Variants in KNOP1 observed in about 807,000 individuals in gnomAD.
KNOP1 encodes the protein lysine-rich nucleolar protein 1.
Under a neutral mutation model 30.6 loss-of-function variants are expected in KNOP1, and 20 were observed. The observed-to-expected ratio is 0.65, with a 90% CI of 0.46 to 0.95. The LOEUF is 0.95. KNOP1 is among the 40% of genes least tolerant of loss of function. The probability of loss-of-function intolerance (pLI) is 0.00; values close to 1 mark genes in which losing one functional copy is unlikely to be tolerated. For missense variants in KNOP1, 540 were observed against 562.0 expected (o/e 0.96, Z 0.40); for synonymous variants, 204 against 210.0 (o/e 0.97, Z 0.25).
chr16:19,718,200 G>A lies in KNOP1; in HGVS notation c.-45C>T. ...CCGCCTCCACGTGAGAGCCAGCTCC[G>A]CCGTGACCCGGAAGTCCACTTCGAG... On this transcript the variant is annotated 5_prime_UTR_variant, in exon 1 of 5. Transcript: ENST00000219837. The A allele has an allele frequency of 1.3e-6, 2 of 1,514,582 alleles. No homozygotes were observed. The highest frequency in any genetic ancestry group is 2.5e-5 in the East Asian group (1 of 40,652). 93.8% of individuals were successfully genotyped at this position (1,514,582 alleles called of 1,614,324 possible).
At position 19,703,460 on chromosome 16, in the gene KNOP1, C is replaced by T. The variant is rs902610888; in HGVS notation, c.*3450G>A. The T allele has an allele frequency of 6.6e-6, 1 of 152,274 alleles. No homozygotes were observed. Among genetic ancestry groups the T allele is most frequent in the South Asian group, 2.1e-4 (1 of 4,830 alleles). 9.4% of individuals were successfully genotyped at this position (152,274 alleles called of 1,614,324 possible). ...TCAGCTGATTAGCAAACTTAATTCC[C>T]TTTTGTTTCGTAACCTAACAAATAC... is the stretch of plus-strand genomic sequence containing the variant. On this transcript the variant is annotated 3_prime_UTR_variant, in exon 5 of 5. Transcript: ENST00000219837.
intron 2 of KNOP1, chr16:19,711,777 C>A (rs529308412): frequency 2.3e-4 from 80 of 354,326 alleles, no homozygotes; most frequent in Non-Finnish European, 3.9e-4. Flanking sequence ...ACCTTTCCCA[C>A]TACACACGTC....
Position 19,706,898 on chromosome 16 carries a change from A to G in KNOP1, c.*12T>C, listed in dbSNP as rs1267635745. On this transcript the variant is annotated 3_prime_UTR_variant, in exon 5 of 5. Coordinates refer to ENST00000219837, the MANE Select transcript of KNOP1 (RefSeq NM_001012991.3). Reference sequence around the variant, plus strand: ...CAATTGTGGCAGTTTTGGGGGGACAAAACTCTAGAGTTTAATCTTCCAGCT... The same window carrying G: ...CAATTGTGGCAGTTTTGGGGGGACAGAACTCTAGAGTTTAATCTTCCAGCT... 3 of 1,610,116 alleles carry G rather than the reference A, an allele frequency of 1.9e-6. No individual in the cohort carries two copies. The highest frequency in any genetic ancestry group is 2.5e-6 in the Non-Finnish European group (3 of 1,179,322).
At position 19,714,599 on chromosome 16, in the gene KNOP1, T is replaced by C; in HGVS notation, c.437A>G (p.Lys146Arg). 6.2e-7 allele frequency: 1 copy of C among 1,614,174 alleles called. No individual in the cohort carries two copies. Among genetic ancestry groups the C allele is most frequent in the Non-Finnish European group, 8.5e-7 (1 of 1,180,040 alleles). ...RQGEEETRVG[K>R]KLKKHKKEKK... ...TTCCTTCTTGTGTTTTTTGAGCTTCTTGCCAACTCTGGTTTCCTCCTCACC... is the reference window on the plus strand; with the variant it reads ...TTCCTTCTTGTGTTTTTTGAGCTTCCTGCCAACTCTGGTTTCCTCCTCACC... The change falls in exon 2 of 5, where the codon AAG becomes AGG. Residue 146 changes from lysine (K) to arginine (R), a missense_variant. Transcript: ENST00000219837.
At position 19,718,090 on chromosome 16, in the gene KNOP1, C is replaced by G. The variant is rs888185635; in HGVS notation, c.-3+68G>C. 3.2e-5 allele frequency: 46 copies of G among 1,427,030 alleles called. 1 individual carries two copies. In the African/African-American group the frequency reaches 6.2e-4, roughly 19 times the overall value. 88.4% of individuals were successfully genotyped at this position (1,427,030 alleles called of 1,614,324 possible). On this transcript the variant is annotated intron_variant, in intron 1 of 4. Transcript: ENST00000219837. ...GACCGCATTTCCCCATCTTCCCCGC[C>G]GCGCACTTCCTCTGGTGCAATCTCC... is the stretch of plus-strand genomic sequence containing the variant.
chr16:19,710,300 C>A, intron 4 of KNOP1: 1 of 626,970 alleles, frequency 1.6e-6, no homozygotes, highest in Non-Finnish European at 2.9e-6. Flanking sequence ...CGGGCCAGCT[C>A]TCTAGGAGGG....
At position 19,705,290 on chromosome 16, in the gene KNOP1, G is replaced by A. The variant is rs995653405; in HGVS notation, c.*1620C>T. On this transcript the variant is annotated 3_prime_UTR_variant, in exon 5 of 5. Coordinates refer to ENST00000219837, the MANE Select transcript of KNOP1 (RefSeq NM_001012991.3). ...TGGCCATCGAGGCCTGCCTGGGCTG[G>A]GATGTCTGTAGGAGGCATGTTCAGG... 1 of 455,780 alleles carries A rather than the reference G, an allele frequency of 2.2e-6. No individual in the cohort carries two copies. Among genetic ancestry groups the A allele is most frequent in the Admixed American group, 2.4e-5 (1 of 42,538 alleles). The allele number at this position is 455,780 out of a possible 1,614,324, so 28.2% of individuals were successfully genotyped here.
intron 4 of KNOP1, among the ~76,000 whole-genome samples, chr16:19,707,885 TC>T (rs201524066): frequency 2.4e-4 from 1 of 4,186 alleles, no homozygotes; most frequent in Non-Finnish European, 4.5e-4. Flanking sequence ...CACATCGCAC[TC>T]CCCCCACCTC....
Position 19,707,331 on chromosome 16 carries a change from A to G in KNOP1, c.1066-110T>C, listed in dbSNP as rs915896137. The G allele has an allele frequency of 9.4e-5, 76 of 812,512 alleles. No individual in the cohort carries two copies. In the Middle Eastern group the frequency reaches 1.4e-3, roughly 15 times the overall value. The allele number at this position is 812,512 out of a possible 1,614,324, so 50.3% of individuals were successfully genotyped here. A position where few individuals can be genotyped will look rare whatever the true frequency, so the allele number is the denominator to read the frequency against. ...CCAGCAGATTAGATGGCTGCTGTGT[A>G]CCAGGCACAGTGCTAATAAGCTCAA... On this transcript the variant is annotated intron_variant, in intron 4 of 4. Transcript: ENST00000219837.
chr16:19,708,976 T>C (rs1449336002), intron 4 of KNOP1, among the ~76,000 whole-genome samples: 1 of 151,914 alleles, frequency 6.6e-6, no homozygotes, highest in Non-Finnish European at 1.5e-5. Flanking sequence ...CCAGGATCAC[T>C]CTCCTGCCGT....
chr16:19,714,498 C>T lies in KNOP1; in HGVS notation c.538G>A (p.Val180Ile), dbSNP rs1976894155. 3.1e-6 allele frequency: 5 copies of T among 1,614,030 alleles called. No homozygotes were observed. The highest frequency in any genetic ancestry group is 4.2e-6 in the Non-Finnish European group (5 of 1,180,030). ...WFCEAREARD[V>I]GDTCSVGKKD... is the part of the protein sequence containing the mutation. ...TTCCCCACTGAGCAAGTGTCCCCAA[C>T]ATCCCTGGCCTCCCTGGCCTCACAG... The change falls in exon 2 of 5, where the codon GTT becomes ATT. Residue 180 changes from valine to isoleucine, a missense_variant. Physicochemically the swap from Val to Ile is conservative, Grantham distance 29. Transcript: ENST00000219837.
In KNOP1 at chr16:19,715,001, AG is replaced by A; in HGVS notation, c.34del (p.Leu12SerfsTer21). 1.9e-6 allele frequency: 3 copies of A among 1,584,908 alleles called. No individual in the cohort carries two copies. The highest frequency in any genetic ancestry group is 2.6e-6 in the Non-Finnish European group (3 of 1,170,158). On this transcript the variant is annotated frameshift_variant, in exon 2 of 5. Transcript: ENST00000219837. LOFTEE classifies it high-confidence loss of function. ...ITKTHKVDLGLPEKKKKKKVV... is the reference protein window; with the variant it reads ...ITKTHKVDLGXPEKKKKKKVV... ...TTTCTTCTTCTTTTTCTTCTCTGGGAGCCCAAGGTCTACTTTGTGTGTCTTG... is the reference window on the plus strand; with the variant it reads ...TTTCTTCTTCTTTTTCTTCTCTGGGACCCAAGGTCTACTTTGTGTGTCTTG...
At chr16:19,717,219 G>T in intron 1 of KNOP1, 1 of 672,436 alleles carries the variant, frequency 1.5e-6, no homozygotes, top group Non-Finnish European at 1.8e-6. Context: ...GTTCGGTACT[G>T]TCTGTGGTTT....
In KNOP1 at chr16:19,714,976, T is replaced by C. The variant is rs1351773333; in HGVS notation, c.60A>G (p.Lys20=). ...LGLPEKKKKK[K]VVKEPETRYS... ...ATCGAGTCTCTGGTTCTTTGACCAC[T>C]TTCTTCTTCTTTTTCTTCTCTGGGA... Residue 20 remains lysine (K), a synonymous_variant, in exon 2 of 5, where the codon AAA becomes AAG. Transcript: ENST00000219837. The C allele has an allele frequency of 6.3e-7, 1 of 1,592,966 alleles. No individual in the cohort carries two copies. Among genetic ancestry groups the C allele is most frequent in the East Asian group, 2.2e-5 (1 of 44,824 alleles).
Position 19,703,946 on chromosome 16 carries a change from G to A in KNOP1, c.*2964C>T, listed in dbSNP as rs560402489. On this transcript the variant is annotated 3_prime_UTR_variant, in exon 5 of 5. Coordinates refer to ENST00000219837, the MANE Select transcript of KNOP1 (RefSeq NM_001012991.3). ...GGTGATGTTGAGTTAGAAAGTCACA[G>A]CCTATTACAGACAGAATTTACACCA... The A allele has an allele frequency of 6.6e-6, 1 of 152,336 alleles. No individual in the cohort carries two copies. The highest frequency in any genetic ancestry group is 1.5e-5 in the Non-Finnish European group (1 of 68,084). 9.4% of individuals were successfully genotyped at this position (152,336 alleles called of 1,614,324 possible). A position where few individuals can be genotyped will look rare whatever the true frequency, so the allele number is the denominator to read the frequency against.
At chr16:19,707,575 G>A (rs975930422) in intron 4 of KNOP1, among the ~76,000 whole-genome samples, 4 of 151,328 alleles carry the variant, frequency 2.6e-5, no homozygotes, top group African/African-American at 2.4e-5. Context: ...CATGGCACAC[G>A]GCACAGTGTG....
chr16:19,710,087 C>A (rs926677568), intron 4 of KNOP1, among the ~76,000 whole-genome samples: 1 of 152,126 alleles, frequency 6.6e-6, no homozygotes, highest in East Asian at 1.9e-4. Context: ...TGGACATTTC[C>A]CAGTCAGACT....
chr16:19,713,723 C>T (rs1044680403), intron 2 of KNOP1, among the ~76,000 whole-genome samples: 2 of 152,176 alleles, frequency 1.3e-5, no homozygotes, highest in South Asian at 2.1e-4. Flanking sequence ...ACAGGCACTA[C>T]GTTATCTCAT....
In KNOP1 at chr16:19,703,137, T is replaced by C. The variant is rs538855981; in HGVS notation, c.*3773A>G. 1 of 152,258 alleles carries C rather than the reference T, an allele frequency of 6.6e-6. No individual in the cohort carries two copies. The highest frequency in any genetic ancestry group is 1.5e-5 in the Non-Finnish European group (1 of 68,064). The allele number at this position is 152,258 out of a possible 1,614,324, so 9.4% of individuals were successfully genotyped here. On this transcript the variant is annotated 3_prime_UTR_variant, in exon 5 of 5. Coordinates refer to ENST00000219837, the MANE Select transcript of KNOP1 (RefSeq NM_001012991.3). ...ATAATGTTGTCATCTGACGGTTCTA[T>C]AGGTCTTAAGTCCGCCTGGTCTCAC...
Sources: allele counts gnomAD v4.1 joint callset (sites outside exome capture counted in the v4.1 genomes callset), GRCh38; gene constraint gnomAD v4.1.1; transcripts MANE v1.5; gene names NCBI Gene and HGNC (gene_info 2026-07-23, HGNC 2026-07-21).